The following ACSS2 variants were observed in gnomAD, a reference collection of about 807,000 sequenced individuals.
ACSS2 encodes the protein acyl-CoA synthetase short chain family member 2, also known as acetyl-coenzyme A synthetase, cytoplasmic.
In ACSS2, 58 loss-of-function variants were observed where a neutral mutation model predicts 90.6. That is an observed-to-expected ratio of 0.64 (90% CI 0.52 to 0.80). The LOEUF (loss-of-function observed/expected upper bound fraction) is 0.80, where lower values mean the gene tolerates loss of function less well. Ranked by LOEUF, ACSS2 falls within the 30% of genes least tolerant of loss-of-function variation. ACSS2 has a pLI of 0.00. For synonymous variants in ACSS2, 300 were observed against 330.9 expected (o/e 0.91, Z 1.01); for missense variants, 759 against 912.0 (o/e 0.83, Z 2.16).
At chr20:34,879,346 T>C (rs1435791007) in intron 1 of ACSS2, among the ~76,000 whole-genome samples, 5 of 152,128 alleles carry the variant, frequency 3.3e-5, no homozygotes, top group African/African-American at 1.2e-4. Context: ...CCCACCTTCT[T>C]GCCTTTGTTC....
At chr20:34,902,891 A>ATT (rs34171408) in intron 2 of ACSS2, among the ~76,000 whole-genome samples, 147 of 115,270 alleles carry the variant, frequency 1.3e-3, no homozygotes, top group African/African-American at 1.6e-3. Flanking sequence ...ACACCTGGCT[A>ATT]TTTTTTTTTT....
intron 7 of ACSS2, among the ~76,000 whole-genome samples, chr20:34,914,770 C>T (rs546212231): frequency 2.6e-5 from 4 of 152,266 alleles, no homozygotes; most frequent in Non-Finnish European, 4.4e-5. Flanking sequence ...TAGTCATCTC[C>T]ATTACTAGGC....
chr20:34,889,141 G>T (rs1254660408), intron 2 of ACSS2, among the ~76,000 whole-genome samples: 2 of 144,460 alleles, frequency 1.4e-5, no homozygotes, highest in Non-Finnish European at 3.0e-5. Flanking sequence ...ATTTTTTTTT[G>T]AGATGGAGTC....
chr20:34,910,052 A>C, intron 2 of ACSS2, among the ~76,000 whole-genome samples: 14 of 129,682 alleles, frequency 1.1e-4, no homozygotes, highest in Admixed American at 1.6e-4. Flanking sequence ...ACAGAGTTTC[A>C]CTCTTGTCGC....
At chr20:34,890,478 G>A (rs2146992754) in intron 2 of ACSS2, among the ~76,000 whole-genome samples, 1 of 152,262 alleles carries the variant, frequency 6.6e-6, no homozygotes, top group East Asian at 1.9e-4. Flanking sequence ...AAGGGAGTTA[G>A]CTAGTTGAAG....
upstream of ACSS2, chr20:34,876,547 G>A (rs1184874601): frequency 4.0e-6 from 5 of 1,262,094 alleles, no homozygotes; most frequent in African/African-American, 6.2e-5. Context: ...ACCAGGCCCC[G>A]CCCCTCTACG....
At position 34,890,155 on chromosome 20, in the gene ACSS2, C is replaced by G. The variant is rs182474860; in HGVS notation, c.374+7166C>G. On this transcript the variant is annotated intron_variant, in intron 2 of 17. Transcript: ENST00000360596. ...TTTTCATTATGGAAAGAAACCAGCA[C>G]AGGTAACTAGGTGTGTAGATGGTGG... 2.0e-3 allele frequency among the ~76,000 whole-genome samples: 302 copies of G among 152,180 alleles called. 1 individual carries two copies. The highest frequency in any genetic ancestry group is 3.4e-3 in the Non-Finnish European group (228 of 68,004).
chr20:34,921,151 T>G lies in ACSS2; in HGVS notation c.1277+12T>G, dbSNP rs777920658. 1.9e-6 allele frequency: 3 copies of G among 1,614,152 alleles called. No homozygotes were observed. The highest frequency in any genetic ancestry group is 2.5e-6 in the Non-Finnish European group (3 of 1,180,030). On this transcript the variant is annotated intron_variant, in intron 10 of 17. Transcript: ENST00000360596. ...GAGCCTGTCACCAAGTGAGACCTCT[T>G]CCCAGTTGCTGCCCTGTGGGTATCC...
chr20:34,896,286 C>A (rs2080457497), intron 2 of ACSS2, among the ~76,000 whole-genome samples: 2 of 152,222 alleles, frequency 1.3e-5, no homozygotes, highest in African/African-American at 4.8e-5. Context: ...GGGCAGGAGT[C>A]CCATACTCTG....
chr20:34,877,989 A>AGTGGCCC (rs1435089428), intron 1 of ACSS2, among the ~76,000 whole-genome samples: 2 of 152,036 alleles, frequency 1.3e-5, no homozygotes, highest in Non-Finnish European at 2.9e-5. Flanking sequence ...GCTGGAGTGC[A>AGTGGCCC]GTGGCCCGTT....
chr20:34,912,478 G>T (rs2080983747), intron 2 of ACSS2: 1 of 161,388 alleles, frequency 6.2e-6, no homozygotes, highest in Non-Finnish European at 1.4e-5. Flanking sequence ...TAGAGACGCG[G>T]TTTCACCATG....
chr20:34,926,505 TAA>T (rs1317996622), intron 16 of ACSS2, among the ~76,000 whole-genome samples: 2 of 152,186 alleles, frequency 1.3e-5, no homozygotes, highest in East Asian at 3.9e-4. Context: ...ACCGCTAGGC[TAA>T]GTGCTTTAAA....
intron 2 of ACSS2, among the ~76,000 whole-genome samples, chr20:34,904,470 G>A (rs763565970): frequency 6.6e-6 from 1 of 152,170 alleles, no homozygotes; most frequent in Non-Finnish European, 1.5e-5. Flanking sequence ...TGTGAGGACA[G>A]AGAGGAAATG....
intron 2 of ACSS2, among the ~76,000 whole-genome samples, chr20:34,889,343 C>G (rs1568967872): frequency 2.0e-5 from 3 of 151,966 alleles, no homozygotes; most frequent in Admixed American, 6.6e-5. Flanking sequence ...AGGATGGTCT[C>G]TATCTCTTGA....
intron 2 of ACSS2, chr20:34,908,958 A>G: frequency 2.3e-6 from 1 of 442,822 alleles, no homozygotes; most frequent in Admixed American, 2.6e-5. Flanking sequence ...GTAAAGTGAC[A>G]TAAAAATAAA....
chr20:34,915,232 GA>G (rs768224812), intron 7 of ACSS2: 6 of 1,613,828 alleles, frequency 3.7e-6, no homozygotes, highest in Non-Finnish European at 5.1e-6. Context: ...AACTGAAAGA[GA>G]AATCCAAGCG....
intron 2 of ACSS2, among the ~76,000 whole-genome samples, chr20:34,912,111 C>T (rs1302412072): frequency 1.3e-5 from 2 of 151,904 alleles, no homozygotes; most frequent in African/African-American, 2.4e-5. Context: ...AGCCACCACG[C>T]CCCGCCCATT....
upstream of ACSS2, chr20:34,876,341 C>G (rs1006418597): frequency 3.7e-6 from 1 of 272,470 alleles, no homozygotes; most frequent in Non-Finnish European, 6.8e-6. Flanking sequence ...TCCACCCTCT[C>G]CCTTGTCACA....
At chr20:34,887,758 A>G (rs1348745042) in intron 2 of ACSS2, among the ~76,000 whole-genome samples, 1 of 151,438 alleles carries the variant, frequency 6.6e-6, no homozygotes, top group African/African-American at 2.4e-5. Flanking sequence ...AAAATAAAAC[A>G]AAACAAATAG....
Sources: gnomAD v4.1 joint callset for allele counts (sites outside exome capture counted in the v4.1 genomes callset) on GRCh38, gnomAD v4.1.1 for gene constraint, MANE v1.5 for transcripts, NCBI Gene and HGNC (gene_info 2026-07-23, HGNC 2026-07-21) for gene names.